The following C18orf63 variants were observed in gnomAD, a reference collection of about 807,000 sequenced individuals.
C18orf63 encodes the protein uncharacterized protein C18orf63.
Under a neutral mutation model 75.3 loss-of-function variants are expected in C18orf63, and 50 were observed. The observed-to-expected ratio is 0.66, with a 90% confidence interval of 0.53 to 0.84. The LOEUF (loss-of-function observed/expected upper bound fraction) is 0.84. Among genes scored for constraint, C18orf63 ranks in the 40% least tolerant of loss-of-function variants. C18orf63 has a pLI of 0.00. For missense variants in C18orf63, 732 were observed against 800.2 expected (o/e 0.91, Z 1.03); for synonymous variants, 232 against 267.6 (o/e 0.87, Z 1.30).
intron 11 of C18orf63, among the ~76,000 whole-genome samples, chr18:74,352,486 TG>T (rs5826316): frequency 0.52 from 79,114 of 151,916 alleles, 21,146 homozygotes; most frequent in Middle Eastern, 0.6. Context: ...TTAATGTATC[TG>T]ACAAATTTCT....
chr18:74,317,775 G>C lies in C18orf63; in HGVS notation c.-32-59G>C, dbSNP rs943241296. The C allele has an allele frequency of 7.3e-6, 7 of 956,002 alleles. No individual in the cohort carries two copies. The Admixed American group carries it at 9.3e-5, about 13-fold the overall frequency. The allele number at this position is 956,002 out of a possible 1,614,324, so 59.2% of individuals were successfully genotyped here. A position where few individuals can be genotyped will look rare whatever the true frequency, so the allele number is the denominator to read the frequency against. ...ATATCAAATATTGTGTGCTGACTTGGTATTGGAACTCTATTGGTAAGATAA... is the reference window on the plus strand; with the variant it reads ...ATATCAAATATTGTGTGCTGACTTGCTATTGGAACTCTATTGGTAAGATAA... On this transcript the variant is annotated intron_variant, in intron 1 of 13. Transcript: ENST00000579455.
Position 74,343,616 on chromosome 18 carries a change from A to C in C18orf63, c.892A>C (p.Lys298Gln), listed in dbSNP as rs1162116407. Residue 298 changes from lysine (K) to glutamine (Q), a missense_variant, in exon 11 of 14, where the codon AAA (lysine) becomes CAA (glutamine). Coordinates refer to ENST00000579455, the MANE Select transcript of C18orf63 (RefSeq NM_001174123.2). The part of the protein sequence containing the change: ...LKSFLSDLKS[K>Q]LPHICGFPIK... Reference sequence around the variant, plus strand: ...AAGTTTTCTTTCAGATTTAAAATCTAAACTGCCCCATATATGTGGATTTCC... The same window carrying C: ...AAGTTTTCTTTCAGATTTAAAATCTCAACTGCCCCATATATGTGGATTTCC... 1 of 1,534,594 alleles carries C rather than the reference A, an allele frequency of 6.5e-7. No individual in the cohort carries two copies. The highest frequency in any genetic ancestry group is 1.2e-5 in the South Asian group (1 of 83,916).
chr18:74,357,909 G>C lies in C18orf63; in HGVS notation c.*1462G>C, dbSNP rs947248159. 2 of 152,056 alleles carry C rather than the reference G, an allele frequency of 1.3e-5. No individual in the cohort carries two copies. The highest frequency in any genetic ancestry group is 1.3e-4 in the Admixed American group (2 of 15,256). The allele number at this position is 152,056 out of a possible 1,614,324, so 9.4% of individuals were successfully genotyped here. On this transcript the variant is annotated 3_prime_UTR_variant, in exon 14 of 14. Coordinates refer to ENST00000579455, the MANE Select transcript of C18orf63 (RefSeq NM_001174123.2). ...GATATCTAGTAGACTGTTATAAAGA[G>C]TGGTATGTCATTTTGTTTATGAGGC...
In C18orf63 at chr18:74,357,645, T is replaced by G. The variant is rs1984790528; in HGVS notation, c.*1198T>G. On this transcript the variant is annotated 3_prime_UTR_variant, in exon 14 of 14. Transcript: ENST00000579455. The stretch of plus-strand genomic sequence containing the variant: ...AATGTGATTTATTGTCTCCACCACT[T>G]TACTAAACCATTGCAATTAAAAGCA... The G allele has an allele frequency of 6.6e-6, 1 of 150,776 alleles. No homozygotes were observed. The highest frequency in any genetic ancestry group is 1.5e-5 in the Non-Finnish European group (1 of 67,756). 9.3% of individuals were successfully genotyped at this position (150,776 alleles called of 1,614,324 possible). A position where few individuals can be genotyped will look rare whatever the true frequency, so the allele number is the denominator to read the frequency against.
chr18:74,327,816 G>A (rs1160695104), intron 4 of C18orf63, 131 bp from the exon 5 acceptor site: 1 of 614,008 alleles, frequency 1.6e-6, no homozygotes, highest in Non-Finnish European at 2.9e-6. Flanking sequence ...CTCTAGCAAT[G>A]GCTATAAGTT....
chr18:74,329,425 A>G (rs1276537490), intron 6 of C18orf63, among the ~76,000 whole-genome samples: 2 of 151,586 alleles, frequency 1.3e-5, no homozygotes, highest in Non-Finnish European at 2.9e-5. Context: ...GGGTTGTATA[A>G]TTATTGATTA....
Position 74,330,954 on chromosome 18 carries a change from T to G in C18orf63, c.501+12T>G. The G allele has an allele frequency of 7.9e-7, 1 of 1,260,364 alleles. No individual in the cohort carries two copies. Among genetic ancestry groups the G allele is most frequent in the South Asian group, 1.6e-5 (1 of 64,160 alleles). 78.1% of individuals were successfully genotyped at this position (1,260,364 alleles called of 1,614,324 possible). On this transcript the variant is annotated intron_variant, in intron 7 of 13. Coordinates refer to ENST00000579455, the MANE Select transcript of C18orf63 (RefSeq NM_001174123.2). ...TGCCAGCACCTGAGGTACCATATAT[T>G]GTGATTTCTATACTTTATTATATTT...
chr18:74,354,753 G>A (rs1159884763), intron 13 of C18orf63, among the ~76,000 whole-genome samples: 1 of 152,198 alleles, frequency 6.6e-6, no homozygotes, highest in Non-Finnish European at 1.5e-5. Flanking sequence ...ATTTCAAAGA[G>A]GGATGGGTGC....
At chr18:74,319,428 A>C (rs1306234937) in intron 2 of C18orf63, among the ~76,000 whole-genome samples, 1 of 148,694 alleles carries the variant, frequency 6.7e-6, no homozygotes, top group Non-Finnish European at 1.5e-5. Flanking sequence ...ACACATCCTA[A>C]TGGTTATTTT....
At chr18:74,318,367 G>A (rs1333145511) in intron 2 of C18orf63, among the ~76,000 whole-genome samples, 1 of 152,092 alleles carries the variant, frequency 6.6e-6, no homozygotes, top group Non-Finnish European at 1.5e-5. Flanking sequence ...TCCAGTAGGT[G>A]GGGCACTTAG....
Position 74,348,093 on chromosome 18 carries a change from G to T in C18orf63, c.978+4391G>T, listed in dbSNP as rs150484708. 8.9e-4 allele frequency among the ~76,000 whole-genome samples: 135 copies of T among 152,112 alleles called. 1 individual carries two copies. The East Asian group carries it at 0.02, about 23-fold the overall frequency. Reference sequence around the variant, plus strand: ...TGAAGTTCCCCATTTATCTCACACAGACTTATTTTTAGGAGTTTTATTTAA... The same window carrying T: ...TGAAGTTCCCCATTTATCTCACACATACTTATTTTTAGGAGTTTTATTTAA... On this transcript the variant is annotated intron_variant, in intron 11 of 13. Transcript: ENST00000579455.
intron 8 of C18orf63, among the ~76,000 whole-genome samples, chr18:74,339,095 A>G (rs1984437841): frequency 6.6e-6 from 1 of 152,080 alleles, no homozygotes; most frequent in African/African-American, 2.4e-5. Context: ...TCATTATAAA[A>G]TGAAAACTAT....
intron 11 of C18orf63, among the ~76,000 whole-genome samples, chr18:74,351,827 A>C (rs534168541): frequency 7.2e-4 from 109 of 152,280 alleles, no homozygotes; most frequent in African/African-American, 2.6e-3. Flanking sequence ...GGAGAGAAAA[A>C]CCAGTCATTC....
intron 8 of C18orf63, 50 bp from the exon 9 acceptor site, chr18:74,341,982 A>G (rs1440613728): frequency 1.1e-6 from 1 of 883,056 alleles, no homozygotes; most frequent in African/African-American, 1.7e-5. Flanking sequence ...TTGACTTATT[A>G]AACTATATTT....
intron 11 of C18orf63, among the ~76,000 whole-genome samples, chr18:74,348,707 C>T (rs1055673470): frequency 6.6e-6 from 1 of 152,110 alleles, no homozygotes; most frequent in African/African-American, 2.4e-5. Context: ...TGGCTTGCGA[C>T]TTCACAAAGC....
In C18orf63 at chr18:74,347,147, T is replaced by A. The variant is rs140855096; in HGVS notation, c.978+3445T>A. Among the ~76,000 whole-genome samples, 22 of 152,296 alleles carry A rather than the reference T, an allele frequency of 1.4e-4. No individual in the cohort carries two copies. The East Asian group carries it at 4.2e-3, about 29-fold the overall frequency. Reference sequence around the variant, plus strand: ...TCTCTGTGTGCCCCAGTTTCCTCAGTTGTAAAATGAGGCAGAGGCTAGCGG... The same window carrying A: ...TCTCTGTGTGCCCCAGTTTCCTCAGATGTAAAATGAGGCAGAGGCTAGCGG... On this transcript the variant is annotated intron_variant, in intron 11 of 13. Coordinates refer to ENST00000579455, the MANE Select transcript of C18orf63 (RefSeq NM_001174123.2).
intron 13 of C18orf63, among the ~76,000 whole-genome samples, chr18:74,355,424 T>C (rs12606663): frequency 0.52 from 79,046 of 151,628 alleles, 21,091 homozygotes; most frequent in Middle Eastern, 0.59. Context: ...CTAGGTTTCA[T>C]ATTGTTTTAG....
chr18:74,328,523 T>C (rs1201275876), intron 5 of C18orf63, among the ~76,000 whole-genome samples: 2 of 152,194 alleles, frequency 1.3e-5, no homozygotes, highest in East Asian at 3.8e-4. Context: ...AAAATAACTC[T>C]TAAAACTGAC....
chr18:74,332,107 T>C (rs1161629681), intron 7 of C18orf63, among the ~76,000 whole-genome samples: 3 of 152,186 alleles, frequency 2.0e-5, no homozygotes, highest in African/African-American at 7.2e-5. Context: ...TTGTTTTCTG[T>C]CGCTTAGAAT....
Sources: gnomAD v4.1 joint callset for allele counts (sites outside exome capture counted in the v4.1 genomes callset) on GRCh38, gnomAD v4.1.1 for gene constraint, MANE v1.5 for transcripts, NCBI Gene and HGNC (gene_info 2026-07-23, HGNC 2026-07-21) for gene names.